GALNT2: variants seen among roughly 807,000 people sequenced by gnomAD.
GALNT2 encodes UDP-GalNAc:polypeptide N-acetylgalactosaminyltransferase 2.
In GALNT2, 31 loss-of-function variants were observed where a neutral mutation model predicts 81.4. The observed-to-expected ratio is 0.38, with a 90% CI of 0.29 to 0.51. The LOEUF is 0.51. Ranked by LOEUF, GALNT2 falls within the 20% of genes least tolerant of loss-of-function variation. The pLI, the probability that GALNT2 is intolerant of heterozygous loss-of-function variation, is 0.87. For synonymous variants in GALNT2, 303 were observed against 287.4 expected (o/e 1.05, Z -0.55); for missense variants, 629 against 765.7 (o/e 0.82, Z 2.11).
chr1:230,227,520 C>T (rs1424006946), intron 3 of GALNT2, among the ~76,000 whole-genome samples: 1 of 145,500 alleles, frequency 6.9e-6, no homozygotes, highest in African/African-American at 2.6e-5. Context: ...GCTATATATG[C>T]TATATAATAC....
intron 1 of GALNT2, among the ~76,000 whole-genome samples, chr1:230,176,023 T>C (rs951329072): frequency 1.3e-5 from 2 of 152,150 alleles, no homozygotes; most frequent in Admixed American, 6.5e-5. Flanking sequence ...CAATGCACAA[T>C]GCTTGGCGCA....
intron 1 of GALNT2, chr1:230,058,169 C>T (rs1304515828): frequency 1.3e-5 from 6 of 453,478 alleles, no homozygotes; most frequent in Admixed American, 2.4e-5. Context: ...TCCTAGCACT[C>T]CTGACACTGG....
intron 1 of GALNT2, among the ~76,000 whole-genome samples, chr1:230,061,625 A>G (rs1659050899): frequency 6.6e-6 from 1 of 152,056 alleles, no homozygotes; most frequent in Non-Finnish European, 1.5e-5. Context: ...TTTTTTTAAT[A>G]TAGAGAACAC....
chr1:230,134,120 T>G (rs4846900), intron 1 of GALNT2, among the ~76,000 whole-genome samples: 1 of 132,934 alleles, frequency 7.5e-6, no homozygotes. Flanking sequence ...CTGTTTTTTT[T>G]TTTTTTTTTG....
intron 5 of GALNT2, 109 bp downstream of exon 5, chr1:230,236,529 A>G: frequency 1.4e-6 from 2 of 1,418,658 alleles, no homozygotes; most frequent in African/African-American, 1.4e-5. Flanking sequence ...TCAGATCCAC[A>G]GAAAGAAGAG....
At chr1:230,269,147 T>C (rs1453065259) in intron 14 of GALNT2, among the ~76,000 whole-genome samples, 1 of 100,926 alleles carries the variant, frequency 9.9e-6, no homozygotes, top group East Asian at 2.1e-4. Flanking sequence ...TTTTTTTTTC[T>C]TTTTTTTTTT....
chr1:230,175,015 G>A (rs1662916864), intron 1 of GALNT2, among the ~76,000 whole-genome samples: 1 of 152,154 alleles, frequency 6.6e-6, no homozygotes, highest in Admixed American at 6.5e-5. Context: ...GGGTGTCTTT[G>A]CACAGCACAG....
At chr1:230,147,363 T>C (rs1661953103) in intron 1 of GALNT2, among the ~76,000 whole-genome samples, 1 of 152,248 alleles carries the variant, frequency 6.6e-6, no homozygotes, top group African/African-American at 2.4e-5. Context: ...ACCTTCTAGC[T>C]GAAAGCCGCC....
intron 1 of GALNT2, among the ~76,000 whole-genome samples, chr1:230,109,711 C>T (rs962797544): frequency 1.3e-5 from 2 of 152,056 alleles, no homozygotes; most frequent in Admixed American, 1.3e-4. Flanking sequence ...GCCTGTAATC[C>T]CAGCTACTCT....
At chr1:230,222,964 T>C (rs891085012) in intron 3 of GALNT2, among the ~76,000 whole-genome samples, 2 of 152,188 alleles carry the variant, frequency 1.3e-5, no homozygotes, top group Admixed American at 6.5e-5. Flanking sequence ...TGGGTATTTT[T>C]TAAAAGCTAG....
intron 1 of GALNT2, among the ~76,000 whole-genome samples, chr1:230,084,345 C>T (rs1304182850): frequency 6.6e-6 from 1 of 152,120 alleles, no homozygotes; most frequent in East Asian, 1.9e-4. Context: ...GGCCTGTTGA[C>T]CAGAATGATC....
intron 3 of GALNT2, among the ~76,000 whole-genome samples, chr1:230,204,213 A>C (rs1275758643): frequency 4.0e-5 from 6 of 148,380 alleles, no homozygotes; most frequent in Non-Finnish European, 8.9e-5. Context: ...CCTAGGCTGG[A>C]ATATAGTGAT....
At chr1:230,090,612 A>G (rs1041748961) in intron 1 of GALNT2, among the ~76,000 whole-genome samples, 1 of 152,230 alleles carries the variant, frequency 6.6e-6, no homozygotes, top group Non-Finnish European at 1.5e-5. Context: ...TCTGTTGGCA[A>G]ATAAGCTGGT....
In GALNT2 at chr1:230,193,093, T is replaced by G. The variant is rs1378245442; in HGVS notation, c.221-10044T>G. Among the ~76,000 whole-genome samples, 1 of 152,218 alleles carries G rather than the reference T, an allele frequency of 6.6e-6. No individual in the cohort carries two copies. The highest frequency in any genetic ancestry group is 2.4e-5 in the African/African-American group (1 of 41,452). ...CCAAATAAATCTGAGAGCCTTGTCC[T>G]TTGATATTAAATACATTCTGTTTCC... On this transcript the variant is annotated intron_variant, in intron 2 of 15. Transcript: ENST00000366672. The surrounding 1 kb of genome is among the most constrained non-coding windows in gnomAD (Gnocchi z 4.3).
intron 1 of GALNT2, among the ~76,000 whole-genome samples, chr1:230,106,997 T>A (rs886303616): frequency 2.6e-5 from 4 of 152,198 alleles, no homozygotes; most frequent in Non-Finnish European, 5.9e-5. Flanking sequence ...GCAATCTGAC[T>A]CCCGAGTCCC....
intron 14 of GALNT2, among the ~76,000 whole-genome samples, chr1:230,266,168 C>T (rs1666031957): frequency 6.6e-6 from 1 of 151,756 alleles, no homozygotes; most frequent in Non-Finnish European, 1.5e-5. Context: ...CATTCCAGCC[C>T]AGGCTACAAG....
rs549314123 is a variant in GALNT2 at position 230,257,771 on chromosome 1, G to A, written c.1136+2427G>A. ...GCAGGCAGCTGTTTGCTAATAGGGCGGCAGAGAGAAGGGAGGTAGAGCGGG... is the reference window on the plus strand; with the variant it reads ...GCAGGCAGCTGTTTGCTAATAGGGCAGCAGAGAGAAGGGAGGTAGAGCGGG... On this transcript the variant is annotated intron_variant, in intron 11 of 15. Transcript: ENST00000366672. The surrounding 1 kb of genome is among the most constrained non-coding windows in gnomAD (Gnocchi z 4.6). Among the ~76,000 whole-genome samples, 4 of 152,316 alleles carry A rather than the reference G, an allele frequency of 2.6e-5. No homozygotes were observed. Among genetic ancestry groups the A allele is most frequent in the East Asian group, 1.9e-4 (1 of 5,182 alleles).
intron 15 of GALNT2, among the ~76,000 whole-genome samples, chr1:230,278,390 G>A (rs1026878296): frequency 2.6e-5 from 4 of 152,088 alleles, no homozygotes; most frequent in Admixed American, 2.0e-4. Context: ...CTCCCAAAGT[G>A]CTGGGATTAG....
At chr1:230,198,376 T>A (rs1663774687) in intron 2 of GALNT2, among the ~76,000 whole-genome samples, 1 of 137,692 alleles carries the variant, frequency 7.3e-6, no homozygotes, top group African/African-American at 2.7e-5. Flanking sequence ...CCCAGGAGCG[T>A]ACGAGGAGTG....
Sources: gnomAD v4.1 joint callset for allele counts (sites outside exome capture counted in the v4.1 genomes callset) on GRCh38, gnomAD v4.1.1 for gene constraint, Gnocchi (gnomAD v3.1) non-coding constraint, MANE v1.5 for transcripts, NCBI Gene and HGNC (gene_info 2026-07-23, HGNC 2026-07-21) for gene names.